The following SPTBN1 variants were observed in gnomAD, a reference collection of about 807,000 sequenced individuals.
SPTBN1 encodes spectrin beta chain, non-erythrocytic 1.
A neutral mutation model predicts 266.4 loss-of-function variants in SPTBN1; 32 were observed. The observed-to-expected ratio is 0.12, with a 90% CI of 0.09 to 0.16. SPTBN1 has a LOEUF of 0.16. SPTBN1 is among the 10% of genes least tolerant of loss of function. The probability of loss-of-function intolerance (pLI) is 1.00; values close to 1 mark genes in which losing one functional copy is unlikely to be tolerated. For synonymous variants in SPTBN1, 1,336 were observed against 1,162.2 expected (o/e 1.15, Z -3.04); for missense variants, 2,296 against 3,067.1 (o/e 0.75, Z 5.94).
intron 1 of SPTBN1, among the ~76,000 whole-genome samples, chr2:54,494,262 A>G (rs1279375729): frequency 2.0e-5 from 3 of 152,236 alleles, no homozygotes. Context: ...TTATCTTTTA[A>G]GAGGATATTC....
chr2:54,559,349 G>A (rs938614899), intron 2 of SPTBN1, among the ~76,000 whole-genome samples: 9 of 152,124 alleles, frequency 5.9e-5, no homozygotes, highest in African/African-American at 2.2e-4. Flanking sequence ...TTGTTCCTAA[G>A]CCTTTGGTAA....
chr2:54,502,291 A>G (rs1669316040), intron 1 of SPTBN1, among the ~76,000 whole-genome samples: 1 of 152,174 alleles, frequency 6.6e-6, no homozygotes, highest in Non-Finnish European at 1.5e-5. Flanking sequence ...AGCCTGTCAC[A>G]GGACCTCAGG....
intron 1 of SPTBN1, among the ~76,000 whole-genome samples, chr2:54,525,795 A>G (rs1329798857): frequency 5.3e-5 from 8 of 152,170 alleles, no homozygotes; most frequent in African/African-American, 1.7e-4. Context: ...CAATGGCACG[A>G]TATCGGCTCA....
Position 54,629,695 on chromosome 2 carries a change from T to C in SPTBN1, c.2561T>C (p.Met854Thr). Reference protein sequence around the residue: ...ALQDTLALYKMFSEADACELW... With the variant: ...ALQDTLALYKTFSEADACELW... ...CAGGACACTCTGGCCCTGTACAAGA[T>C]GTTCAGCGAGGCTGATGCCTGTGAG... Residue 854 changes from methionine to threonine, a missense_variant, in exon 14 of 36, where the codon ATG becomes ACG. By Grantham distance (81) the Met-to-Thr change is moderately conservative (BLOSUM62 -1). Around this residue, in one of 12 missense-constraint regions of SPTBN1, gnomAD observed 434 missense variants for 573.9 expected, o/e 0.76. Transcript: ENST00000356805. 6.2e-7 allele frequency: 1 copy of C among 1,613,718 alleles called. No individual in the cohort carries two copies. Among genetic ancestry groups the C allele is most frequent in the African/African-American group, 1.3e-5 (1 of 75,056 alleles).
intron 32 of SPTBN1, chr2:54,660,710 CCT>C (rs1680976673): frequency 1.0e-6 from 1 of 985,366 alleles, no homozygotes; most frequent in Non-Finnish European, 1.2e-6. Context: ...CAAACTAGTT[CCT>C]CTCTTTTTTT....
At chr2:54,613,705 A>G (rs1471479191) in intron 4 of SPTBN1, among the ~76,000 whole-genome samples, 4 of 152,176 alleles carry the variant, frequency 2.6e-5, no homozygotes, top group Non-Finnish European at 5.9e-5. Context: ...AATCAAGGAC[A>G]TTTTTCCCCA....
At position 54,491,843 on chromosome 2, in the gene SPTBN1, C is replaced by T. The variant is rs375976153; in HGVS notation, c.-47-34529C>T. On this transcript the variant is annotated intron_variant, in intron 1 of 35. Coordinates refer to ENST00000356805, the MANE Select transcript of SPTBN1 (RefSeq NM_003128.3). ...CTTGAACTTCTAGGCTCAGGCAGTC[C>T]TCCACCTTGCCTCCCAAAGTGCTGG... Among the ~76,000 whole-genome samples the T allele has an allele frequency of 6.6e-5, 10 of 152,284 alleles. No homozygotes were observed. In the East Asian group the frequency reaches 9.6e-4, roughly 15 times the overall value.
Position 54,558,655 on chromosome 2 carries a change from G to T in SPTBN1, c.148+32089G>T. 6.7e-7 allele frequency: 1 copy of T among 1,495,102 alleles called. No homozygotes were observed. Among genetic ancestry groups the T allele is most frequent in the Non-Finnish European group, 8.9e-7 (1 of 1,121,130 alleles). 92.6% of individuals were successfully genotyped at this position (1,495,102 alleles called of 1,614,324 possible). A position where few individuals can be genotyped will look rare whatever the true frequency, so the allele number is the denominator to read the frequency against. ...ATCAGATCACCCTGCTGGACTTGCA[G>T]ACCGGAATGGGGCTCGCCTAAGGAG... On this transcript the variant is annotated intron_variant, in intron 2 of 35. Coordinates refer to ENST00000356805, the MANE Select transcript of SPTBN1 (RefSeq NM_003128.3). This position sits in a 1 kb window ranked among gnomAD's most constrained non-coding sequence, Gnocchi z 4.6.
intron 1 of SPTBN1, among the ~76,000 whole-genome samples, chr2:54,476,968 G>C (rs1465170497): frequency 6.6e-6 from 1 of 151,526 alleles, no homozygotes; most frequent in Non-Finnish European, 1.5e-5. Flanking sequence ...TATCTTAGTG[G>C]TTATAAAAAA....
At chr2:54,593,956 C>T (rs905563787) in intron 2 of SPTBN1, among the ~76,000 whole-genome samples, 2 of 150,178 alleles carry the variant, frequency 1.3e-5, no homozygotes, top group African/African-American at 4.9e-5. Context: ...GCCTCAGCCT[C>T]CTGAGTAGCT....
intron 2 of SPTBN1, among the ~76,000 whole-genome samples, chr2:54,585,650 A>T (rs768894747): frequency 6.6e-5 from 10 of 152,224 alleles, no homozygotes; most frequent in Admixed American, 1.3e-4. Context: ...ATGGTAGCTG[A>T]GTATCAATTG....
rs544702698 is a variant in SPTBN1, at chr2:54,586,083, T to A, written c.149-13009T>A. 3.3e-5 allele frequency among the ~76,000 whole-genome samples: 5 copies of A among 152,346 alleles called. No individual in the cohort carries two copies. The South Asian group carries it at 1.0e-3, about 32-fold the overall frequency. ...GGAGGGGCTTGTCAGTATAAAATTA[T>A]ACATTTTGTTTTTTGATCTTGTCAC... On this transcript the variant is annotated intron_variant, in intron 2 of 35. Coordinates refer to ENST00000356805, the MANE Select transcript of SPTBN1 (RefSeq NM_003128.3).
At chr2:54,585,154 G>A (rs1383648694) in intron 2 of SPTBN1, among the ~76,000 whole-genome samples, 1 of 152,174 alleles carries the variant, frequency 6.6e-6, no homozygotes, top group African/African-American at 2.4e-5. Context: ...AATTTAGACA[G>A]ATGACCAGTT....
At chr2:54,490,116 G>C (rs1300577295) in intron 1 of SPTBN1, among the ~76,000 whole-genome samples, 1 of 142,518 alleles carries the variant, frequency 7.0e-6, no homozygotes, top group South Asian at 2.2e-4. Flanking sequence ...AGTTGCACTT[G>C]TCACCCAGGC....
In SPTBN1 at chr2:54,664,135, T is replaced by C. The variant is rs1681221355; in HGVS notation, c.6421-318T>C. 4.3e-6 allele frequency: 1 copy of C among 234,868 alleles called. No homozygotes were observed. Among genetic ancestry groups the C allele is most frequent in the Admixed American group, 5.2e-5 (1 of 19,254 alleles). The allele number at this position is 234,868 out of a possible 1,614,324, so 14.5% of individuals were successfully genotyped here. ...CATATTTAATATGTGTGATTGTTAC[T>C]GTTGTCTTTTTGTTTTAAAGTAACC... On this transcript the variant is annotated intron_variant, in intron 32 of 35. Coordinates refer to ENST00000356805, the MANE Select transcript of SPTBN1 (RefSeq NM_003128.3). The surrounding 1 kb of genome is among the most constrained non-coding windows in gnomAD (Gnocchi z 5.6).
Position 54,645,336 on chromosome 2 carries a change from G to A in SPTBN1, c.4377G>A (p.Lys1459=), listed in dbSNP as rs779332941. The change falls in exon 21 of 36, where the codon AAG becomes AAA. Residue 1459 remains lysine (K), a synonymous_variant. Transcript: ENST00000356805. The surrounding 1 kb of genome is among the most constrained non-coding windows in gnomAD (Gnocchi z 4.3). ...EGKSTDEVDS[K]RLTVQTKFME... ...AGAGCACCGACGAGGTAGACAGCAA[G>A]CGCCTCACCGTGCAGACCAAGTTCA... is the stretch of plus-strand genomic sequence containing the variant. 6.2e-7 allele frequency: 1 copy of A among 1,614,228 alleles called. No homozygotes were observed. The highest frequency in any genetic ancestry group is 2.2e-5 in the East Asian group (1 of 44,878).
chr2:54,588,906 GT>G (rs1215240084), intron 2 of SPTBN1, among the ~76,000 whole-genome samples: 5 of 151,472 alleles, frequency 3.3e-5, no homozygotes, highest in African/African-American at 4.9e-5. Context: ...TACACTATTG[GT>G]TTTTTTTGTT....
chr2:54,646,743 A>G lies in SPTBN1; in HGVS notation c.4866+268A>G, dbSNP rs1679950545. Among the ~76,000 whole-genome samples, 2 of 152,152 alleles carry G rather than the reference A, an allele frequency of 1.3e-5. No homozygotes were observed. The highest frequency in any genetic ancestry group is 1.3e-4 in the Admixed American group (2 of 15,278). Reference sequence around the variant, plus strand: ...CCAGAGTCCTTCCTGCTGTCTATTTATAGGTTCCCTAAACTTTACAAAATA... The same window carrying G: ...CCAGAGTCCTTCCTGCTGTCTATTTGTAGGTTCCCTAAACTTTACAAAATA... On this transcript the variant is annotated intron_variant, in intron 23 of 35. Transcript: ENST00000356805. This position sits in a 1 kb window ranked among gnomAD's most constrained non-coding sequence, Gnocchi z 4.4.
intron 18 of SPTBN1, among the ~76,000 whole-genome samples, chr2:54,642,308 A>G (rs1263628830): frequency 1.3e-5 from 2 of 152,138 alleles, no homozygotes; most frequent in Admixed American, 1.3e-4. Flanking sequence ...CCAAGCAGAC[A>G]TGTTGGGTCT....
Sources: gnomAD v4.1 joint callset for allele counts (sites outside exome capture counted in the v4.1 genomes callset) on GRCh38, gnomAD v4.1.1 for gene constraint, gnomAD v4.1.1 regional missense constraint, Gnocchi (gnomAD v3.1) non-coding constraint, MANE v1.5 for transcripts, NCBI Gene and HGNC (gene_info 2026-07-23, HGNC 2026-07-21) for gene names.